Variants in KCNIP4 observed in about 807,000 individuals in gnomAD.
KCNIP4 encodes the protein Kv channel-interacting protein 4.
In KCNIP4, 12 loss-of-function variants were observed where a neutral mutation model predicts 34.0. That is an observed-to-expected ratio of 0.35 (90% CI 0.23 to 0.57). The LOEUF (loss-of-function observed/expected upper bound fraction) is 0.57, where lower values mean the gene tolerates loss of function less well. KCNIP4 is among the 20% of genes least tolerant of loss of function. KCNIP4 has a pLI of 0.83. For missense variants in KCNIP4, 238 were observed against 311.7 expected, an observed-to-expected ratio of 0.76 and a Z score of 1.78; for synonymous variants, 124 against 102.2, an observed-to-expected ratio of 1.21 and a Z score of -1.29.
intron 1 of KCNIP4, among the ~76,000 whole-genome samples, chr4:20,947,745 A>T (rs1467902752): frequency 6.6e-6 from 1 of 152,220 alleles, no homozygotes; most frequent in Non-Finnish European, 1.5e-5. Context: ...CTGACGTTGA[A>T]ATTGTTAATA....
chr4:21,211,788 T>G (rs1441224183), intron 1 of KCNIP4, among the ~76,000 whole-genome samples: 1 of 151,916 alleles, frequency 6.6e-6, no homozygotes, highest in Non-Finnish European at 1.5e-5. Context: ...GGTTTACAGG[T>G]GAAGAAATAT....
chr4:21,327,680 G>T (rs1399690425), intron 1 of KCNIP4, among the ~76,000 whole-genome samples: 2 of 151,994 alleles, frequency 1.3e-5, no homozygotes, highest in Admixed American at 6.6e-5. Context: ...CAATAACTCA[G>T]ATTTGCCCTT....
At chr4:21,334,512 T>A (rs1715973047) in intron 1 of KCNIP4, among the ~76,000 whole-genome samples, 1 of 152,076 alleles carries the variant, frequency 6.6e-6, no homozygotes, top group South Asian at 2.1e-4. Context: ...AAATAGCTTT[T>A]TTTGAGGTAC....
chr4:21,439,827 A>G (rs553050892), intron 1 of KCNIP4, among the ~76,000 whole-genome samples: 11 of 152,232 alleles, frequency 7.2e-5, no homozygotes, highest in Non-Finnish European at 1.2e-4. Context: ...TTCTTGATAC[A>G]TGAGGAACTT....
intron 1 of KCNIP4, among the ~76,000 whole-genome samples, chr4:21,233,218 GT>G (rs1484993218): frequency 6.6e-6 from 1 of 152,098 alleles, no homozygotes; most frequent in Admixed American, 6.6e-5. Context: ...GATTTAAGTT[GT>G]CACTGATGAC....
chr4:21,337,014 G>A (rs770936646), intron 1 of KCNIP4, among the ~76,000 whole-genome samples: 1 of 151,970 alleles, frequency 6.6e-6, no homozygotes, highest in Non-Finnish European at 1.5e-5. Context: ...GGTATGGATG[G>A]AATGGAGGAA....
chr4:21,729,578 G>T (rs566371224), intron 1 of KCNIP4, among the ~76,000 whole-genome samples: 21 of 118,464 alleles, frequency 1.8e-4, no homozygotes, highest in African/African-American at 8.9e-4. Context: ...TGAAAAAGAT[G>T]CATGAAATAA....
At chr4:21,765,467 G>C (rs34375823) in intron 1 of KCNIP4, among the ~76,000 whole-genome samples, 13,803 of 151,852 alleles carry the variant, frequency 0.091, 669 homozygotes, top group Middle Eastern at 0.18. Flanking sequence ...CCTTTTTTAT[G>C]CAGACTTGCT....
chr4:20,863,102 T>C (rs1722386863), intron 2 of KCNIP4, among the ~76,000 whole-genome samples: 1 of 152,052 alleles, frequency 6.6e-6, no homozygotes, highest in Admixed American at 6.6e-5. Context: ...GGAATTGCAA[T>C]GGAGAAAAAA....
intron 1 of KCNIP4, among the ~76,000 whole-genome samples, chr4:21,538,987 C>T (rs929579562): frequency 7.2e-5 from 11 of 152,226 alleles, no homozygotes; most frequent in African/African-American, 2.6e-4. Context: ...TGCTGTTCTC[C>T]TGACGGTGAA....
At chr4:21,499,643 T>C (rs765758285) in intron 1 of KCNIP4, among the ~76,000 whole-genome samples, 9 of 152,068 alleles carry the variant, frequency 5.9e-5, no homozygotes, top group Non-Finnish European at 1.0e-4. Flanking sequence ...AGAAAATAAT[T>C]TGGATGTCAT....
At chr4:21,447,761 C>A (rs73249586) in intron 1 of KCNIP4, among the ~76,000 whole-genome samples, 21,252 of 152,016 alleles carry the variant, frequency 0.14, 1,702 homozygotes, top group African/African-American at 0.22. Context: ...GTTGTACTCA[C>A]CCTTTTTTTC....
chr4:21,435,240 C>A (rs1028881042), intron 1 of KCNIP4, among the ~76,000 whole-genome samples: 12 of 152,062 alleles, frequency 7.9e-5, no homozygotes, highest in African/African-American at 2.9e-4. Flanking sequence ...TAGAGACATG[C>A]GGACACGTGA....
chr4:21,380,851 C>CAT (rs1721443303), intron 1 of KCNIP4, among the ~76,000 whole-genome samples: 1 of 151,836 alleles, frequency 6.6e-6, no homozygotes, highest in South Asian at 2.1e-4. Context: ...CACACACACA[C>CAT]ACACACACGA....
chr4:21,634,299 G>T (rs947065964), intron 1 of KCNIP4, among the ~76,000 whole-genome samples: 2 of 148,376 alleles, frequency 1.3e-5, no homozygotes, highest in African/African-American at 5.0e-5. Context: ...TAAAACCCCT[G>T]AATCTCATTC....
chr4:20,940,478 C>T (rs1488163648), intron 1 of KCNIP4, among the ~76,000 whole-genome samples: 1 of 152,020 alleles, frequency 6.6e-6, no homozygotes, highest in Non-Finnish European at 1.5e-5. Context: ...TTCTTTCGTT[C>T]ATGAAAAGTA....
intron 1 of KCNIP4, among the ~76,000 whole-genome samples, chr4:21,033,021 CT>C (rs1392588211): frequency 6.6e-6 from 1 of 152,016 alleles, no homozygotes; most frequent in Non-Finnish European, 1.5e-5. Flanking sequence ...CTCAGGTTTA[CT>C]TTTTTAGATA....
chr4:21,332,759 C>T (rs1268003228), intron 1 of KCNIP4, among the ~76,000 whole-genome samples: 1 of 152,086 alleles, frequency 6.6e-6, no homozygotes, highest in African/African-American at 2.4e-5. Context: ...TCATATCTGT[C>T]CTCCTTGTTT....
At chr4:21,380,838 T>TCA (rs1721440126) in intron 1 of KCNIP4, among the ~76,000 whole-genome samples, 5 of 110,682 alleles carry the variant, frequency 4.5e-5, no homozygotes, top group Admixed American at 1.7e-4. Flanking sequence ...TTTCCATTGG[T>TCA]GACACACACA....
Sources: gnomAD v4.1 joint callset for allele counts (sites outside exome capture counted in the v4.1 genomes callset) on GRCh38, gnomAD v4.1.1 for gene constraint, MANE v1.5 for transcripts, NCBI Gene and HGNC (gene_info 2026-07-23, HGNC 2026-07-21) for gene names.